LUC7L2: variants seen among roughly 807,000 people sequenced by gnomAD.
The protein encoded by LUC7L2 is LUC7 like 2, pre-mRNA splicing factor, also known as putative RNA-binding protein Luc7-like 2.
LUC7L2 carries 25 observed loss-of-function variants against 52.8 expected under a neutral mutation model. The observed-to-expected ratio is 0.47, with a 90% confidence interval of 0.34 to 0.66. The LOEUF (loss-of-function observed/expected upper bound fraction) is 0.66. LUC7L2 is among the 30% of genes least tolerant of loss of function. The probability of loss-of-function intolerance (pLI) is 0.01; values close to 1 mark genes in which losing one functional copy is unlikely to be tolerated. For synonymous variants in LUC7L2, 144 were observed against 160.9 expected, an observed-to-expected ratio of 0.89 and a Z score of 0.80; for missense variants, 328 against 497.8, an observed-to-expected ratio of 0.66 and a Z score of 3.25.
At chr7:139,341,334 T>G in intron 1 of LUC7L2, 1 of 1,572,396 alleles carries the variant, frequency 6.4e-7, no homozygotes, top group Non-Finnish European at 8.7e-7. Flanking sequence ...AGGAGGGGTT[T>G]TCAGGGTCGT....
intron 4 of LUC7L2, among the ~76,000 whole-genome samples, chr7:139,404,862 TATAA>T (rs1370171832): frequency 2.0e-5 from 3 of 152,196 alleles, no homozygotes; most frequent in Non-Finnish European, 4.4e-5. Context: ...TGAATTCAGG[TATAA>T]GTAATGTGGC....
chr7:139,417,916 A>G (rs368566887), intron 9 of LUC7L2, among the ~76,000 whole-genome samples, 187 bp downstream of exon 9: 1 of 152,240 alleles, frequency 6.6e-6, no homozygotes, highest in South Asian at 2.1e-4. Context: ...TTGAAAGAAT[A>G]TACTTATGAG....
chr7:139,357,436 AAAAAG>A (rs1430654731), upstream of LUC7L2, among the ~76,000 whole-genome samples: 13 of 151,960 alleles, frequency 8.6e-5, no homozygotes, highest in African/African-American at 2.4e-4. Context: ...CTAAAATAAA[AAAAAG>A]AACTCAAATC....
upstream of LUC7L2, chr7:139,359,671 A>C (rs1799751325): frequency 5.2e-4 from 195 of 371,456 alleles, no homozygotes; most frequent in South Asian, 1.3e-3. Flanking sequence ...CCGGGAGGGA[A>C]TGTAATGTAA....
upstream of LUC7L2, chr7:139,359,641 C>CCTAA: frequency 2.5e-6 from 1 of 397,664 alleles, no homozygotes; most frequent in Non-Finnish European, 4.4e-6. Flanking sequence ...GCAGCGCAGC[C>CCTAA]TTAGCCGCCA....
intron 1 of LUC7L2, among the ~76,000 whole-genome samples, chr7:139,353,802 A>C (rs183178535): frequency 1.4e-3 from 206 of 151,282 alleles, no homozygotes; most frequent in Non-Finnish European, 2.2e-3. Context: ...AAAAAAACCC[A>C]AAAAAAACAA....
chr7:139,342,331 G>A lies in LUC7L2; in HGVS notation c.-26+1814G>A, dbSNP rs1354034248. ...AAGGTTTTCCGGAGGAAATTAATCA[G>A]GGACCTGAAGGCTAATTTGGAGTTA... On this transcript the variant is annotated intron_variant, in intron 1 of 10. Transcript: ENST00000541170. Among the ~76,000 whole-genome samples the A allele has an allele frequency of 2.0e-5, 3 of 152,248 alleles. No individual in the cohort carries two copies. The South Asian group carries it at 6.2e-4, about 32-fold the overall frequency.
chr7:139,422,085 C>T (rs1795933570), intron 9 of LUC7L2, 78 bp from the exon 10 acceptor site: 1 of 1,503,474 alleles, frequency 6.7e-7, no homozygotes, highest in Non-Finnish European at 8.8e-7. Context: ...CTATCAAGAG[C>T]TTAATATTTA....
chr7:139,351,952 T>A (rs1193897482), intron 1 of LUC7L2, among the ~76,000 whole-genome samples: 1 of 152,124 alleles, frequency 6.6e-6, no homozygotes, highest in African/African-American at 2.4e-5. Context: ...CCCAGCACAG[T>A]GGGAGGCCTG....
chr7:139,418,922 A>C (rs899534903), intron 9 of LUC7L2, among the ~76,000 whole-genome samples: 7 of 152,112 alleles, frequency 4.6e-5, no homozygotes, highest in African/African-American at 1.7e-4. Flanking sequence ...GTTCAAGACC[A>C]GCCTGGCCAA....
chr7:139,354,535 T>C (rs1238256214), intron 1 of LUC7L2, among the ~76,000 whole-genome samples: 1 of 152,172 alleles, frequency 6.6e-6, no homozygotes, highest in Non-Finnish European at 1.5e-5. Flanking sequence ...CTAATTTTTT[T>C]ATTTTTAGTA....
At position 139,374,828 on chromosome 7, in the gene LUC7L2, A is replaced by T. The variant is rs1039970276; in HGVS notation, c.62-1234A>T. ...TAGTTGAATTTAAGTTAAGCTCTTT[A>T]GTATATGACCATATGAAGGGGTAAA... On this transcript the variant is annotated intron_variant, in intron 1 of 9. Transcript: ENST00000354926. 39 of 1,054,390 alleles carry T rather than the reference A, an allele frequency of 3.7e-5. No individual in the cohort carries two copies. The Admixed American group carries it at 1.7e-3, about 45-fold the overall frequency. The allele number at this position is 1,054,390 out of a possible 1,614,324, so 65.3% of individuals were successfully genotyped here.
intron 1 of LUC7L2, chr7:139,341,022 T>A (rs558092812): frequency 4.8e-6 from 1 of 207,632 alleles, no homozygotes; most frequent in Non-Finnish European, 9.7e-6. Flanking sequence ...GCGTGTTCCA[T>A]ATCAAATCCA....
At chr7:139,389,531 A>G (rs970040036) in intron 2 of LUC7L2, among the ~76,000 whole-genome samples, 2 of 152,126 alleles carry the variant, frequency 1.3e-5, no homozygotes, top group Non-Finnish European at 2.9e-5. Context: ...CTTCTGTGTA[A>G]ATTATCTTCA....
Position 139,423,330 on chromosome 7 carries a change from T to G in LUC7L2, c.*990T>G. 1 of 399,068 alleles carries G rather than the reference T, an allele frequency of 2.5e-6. No individual in the cohort carries two copies. Among genetic ancestry groups the G allele is most frequent in the Non-Finnish European group, 4.4e-6 (1 of 226,066 alleles). The allele number at this position is 399,068 out of a possible 1,614,324, so 24.7% of individuals were successfully genotyped here. On this transcript the variant is annotated 3_prime_UTR_variant, in exon 10 of 10. Coordinates refer to ENST00000354926, the MANE Select transcript of LUC7L2 (RefSeq NM_016019.5). ...CTGTTCATGTGGGCCCCTTGCTGAC[T>G]ATATTCCAGCCACTTCAGGGTTGTT...
chr7:139,364,820 G>C (rs1405243640), intron 1 of LUC7L2, among the ~76,000 whole-genome samples: 2 of 152,112 alleles, frequency 1.3e-5, no homozygotes, highest in Non-Finnish European at 2.9e-5. Context: ...TGTGTTCCTT[G>C]ACTTTTCATC....
intron 1 of LUC7L2, chr7:139,345,691 G>T (rs372589266): frequency 9.3e-6 from 15 of 1,614,012 alleles, no homozygotes; most frequent in African/African-American, 4.0e-5. Flanking sequence ...GGAGGGAAGG[G>T]CTGGGAGCCA....
intron 6 of LUC7L2, among the ~76,000 whole-genome samples, chr7:139,409,097 A>G (rs1418067331): frequency 6.6e-6 from 1 of 152,036 alleles, no homozygotes; most frequent in Non-Finnish European, 1.5e-5. Context: ...AGATGGTGCT[A>G]CTGCACTCCA....
chr7:139,399,051 A>T (rs1250917257), intron 3 of LUC7L2, among the ~76,000 whole-genome samples: 1 of 147,894 alleles, frequency 6.8e-6, no homozygotes, highest in Non-Finnish European at 1.5e-5. Flanking sequence ...TTACATTCAT[A>T]TTTATTTTTG....
Sources: gnomAD v4.1 joint callset for allele counts (sites outside exome capture counted in the v4.1 genomes callset) on GRCh38, gnomAD v4.1.1 for gene constraint, MANE v1.5 for transcripts, NCBI Gene and HGNC (gene_info 2026-07-23, HGNC 2026-07-21) for gene names.